PTPRT: variants seen among roughly 807,000 people sequenced by gnomAD.
PTPRT encodes the protein receptor-type tyrosine-protein phosphatase T.
PTPRT carries 56 observed loss-of-function variants against 176.8 expected under a neutral mutation model. The ratio of observed to expected loss-of-function variants is 0.32; its 90% CI spans 0.26 to 0.40. The LOEUF (loss-of-function observed/expected upper bound fraction) is 0.40, where lower values mean the gene tolerates loss of function less well. Ranked by LOEUF, PTPRT falls within the 10% of genes least tolerant of loss-of-function variation. PTPRT has a pLI of 1.00. For missense variants in PTPRT, 1,540 were observed against 1,908.2 expected (o/e 0.81, Z 3.60); for synonymous variants, 783 against 739.0 (o/e 1.06, Z -0.96).
chr20:42,608,227 G>A (rs929117904), intron 7 of PTPRT, among the ~76,000 whole-genome samples: 1 of 152,076 alleles, frequency 6.6e-6, no homozygotes, highest in Non-Finnish European at 1.5e-5. Flanking sequence ...ATGCATCATG[G>A]GCAGCCACAG....
chr20:42,530,041 A>G (rs1283575038), intron 7 of PTPRT, among the ~76,000 whole-genome samples: 1 of 152,126 alleles, frequency 6.6e-6, no homozygotes, highest in East Asian at 1.9e-4. Context: ...GCTTTTTGTT[A>G]CATTGGGTTG....
At chr20:42,252,899 G>A (rs557337012) in intron 13 of PTPRT, among the ~76,000 whole-genome samples, 1 of 152,304 alleles carries the variant, frequency 6.6e-6, no homozygotes, top group Non-Finnish European at 1.5e-5. Flanking sequence ...AAAAATCCAT[G>A]CTTGGTTGGT....
At chr20:42,956,406 T>C (rs1457391982) in intron 1 of PTPRT, among the ~76,000 whole-genome samples, 13 of 151,946 alleles carry the variant, frequency 8.6e-5, no homozygotes, top group Non-Finnish European at 2.9e-5. Flanking sequence ...TAACTCTCTC[T>C]CTTGCTCCTA....
intron 7 of PTPRT, among the ~76,000 whole-genome samples, chr20:42,662,632 A>T (rs2075243640): frequency 6.6e-6 from 1 of 152,192 alleles, no homozygotes; most frequent in Non-Finnish European, 1.5e-5. Context: ...TGATTCACAG[A>T]GGTCAAGCAA....
chr20:42,850,189 GT>G (rs895996935), intron 2 of PTPRT, among the ~76,000 whole-genome samples: 2 of 152,124 alleles, frequency 1.3e-5, no homozygotes, highest in African/African-American at 4.8e-5. Context: ...TGTTCACCGG[GT>G]TGAATTTGAA....
chr20:42,755,097 C>A (rs932846959), intron 6 of PTPRT, among the ~76,000 whole-genome samples: 2 of 152,114 alleles, frequency 1.3e-5, no homozygotes, highest in Non-Finnish European at 2.9e-5. Flanking sequence ...GGAACTGTGA[C>A]CACCAGGAAG....
chr20:42,545,940 A>G (rs1034105100), intron 7 of PTPRT, among the ~76,000 whole-genome samples: 1 of 152,198 alleles, frequency 6.6e-6, no homozygotes, highest in African/African-American at 2.4e-5. Context: ...ATTTATATGT[A>G]TATGTGTTTT....
chr20:42,724,171 C>T (rs2146241738), intron 6 of PTPRT, among the ~76,000 whole-genome samples: 1 of 152,332 alleles, frequency 6.6e-6, no homozygotes, highest in Non-Finnish European at 1.5e-5. Flanking sequence ...TCAGAAAGCT[C>T]ACTTTTTAAT....
intron 8 of PTPRT, among the ~76,000 whole-genome samples, chr20:42,462,598 T>A (rs1292456421): frequency 1.3e-5 from 2 of 152,016 alleles, no homozygotes; most frequent in African/African-American, 2.4e-5. Context: ...CTAGAGGGAA[T>A]AAATTGAAAA....
chr20:42,388,872 A>C (rs1204659335), intron 9 of PTPRT, among the ~76,000 whole-genome samples: 1 of 152,194 alleles, frequency 6.6e-6, no homozygotes, highest in Admixed American at 6.5e-5. Context: ...CTTGGAACCA[A>C]CCCAAATGTC....
At chr20:43,003,121 T>C (rs1984669686) in intron 1 of PTPRT, among the ~76,000 whole-genome samples, 1 of 152,130 alleles carries the variant, frequency 6.6e-6, no homozygotes, top group African/African-American at 2.4e-5. Context: ...ATAATATATA[T>C]ATCTTTCAAA....
chr20:43,116,192 G>A (rs931865661), intron 1 of PTPRT, among the ~76,000 whole-genome samples: 4 of 152,158 alleles, frequency 2.6e-5, no homozygotes, highest in Admixed American at 6.5e-5. Context: ...ATCAAAGCAC[G>A]TCAAACACAG....
chr20:42,969,322 A>C lies in PTPRT; in HGVS notation c.89-83390T>G, dbSNP rs547199527. The C allele has an allele frequency of 2.0e-5, 3 of 152,278 alleles. No individual in the cohort carries two copies. The South Asian group carries it at 6.2e-4, about 32-fold the overall frequency. 9.4% of individuals were successfully genotyped at this position (152,278 alleles called of 1,614,324 possible). A position where few individuals can be genotyped will look rare whatever the true frequency, so the allele number is the denominator to read the frequency against. ...TGAAAATGCTGGTGCAAGTCAGAAG[A>C]GGGGGACCTGGGTTCTAAGAGCAGC... On this transcript the variant is annotated intron_variant, in intron 1 of 30. Coordinates refer to ENST00000373187, the MANE Select transcript of PTPRT (RefSeq NM_007050.6).
At chr20:42,034,557 T>C in the PTPRT span, among the ~76,000 whole-genome samples, 2 of 152,164 alleles carry the variant, frequency 1.3e-5, no homozygotes, top group African/African-American at 4.8e-5. Context: ...TGGACCTCAC[T>C]GTTACAAGGA....
chr20:42,969,426 A>G (rs1249192786), intron 1 of PTPRT: 1 of 152,228 alleles, frequency 6.6e-6, no homozygotes, highest in Non-Finnish European at 1.5e-5. Context: ...AGCCAGTACC[A>G]CCGGTCTCTC....
intron 27 of PTPRT, among the ~76,000 whole-genome samples, chr20:42,089,430 A>G (rs1984375185): frequency 6.6e-6 from 1 of 152,182 alleles, no homozygotes; most frequent in Non-Finnish European, 1.5e-5. Context: ...GTATCAGGGA[A>G]GTCCTATTAT....
chr20:42,105,720 G>A (rs1986375602), intron 24 of PTPRT, among the ~76,000 whole-genome samples: 1 of 152,242 alleles, frequency 6.6e-6, no homozygotes, highest in Non-Finnish European at 1.5e-5. Context: ...CTTGGCTTTA[G>A]TGCTAGAAGC....
chr20:42,670,443 T>G (rs2075393184), intron 7 of PTPRT, among the ~76,000 whole-genome samples: 1 of 152,208 alleles, frequency 6.6e-6, no homozygotes, highest in Admixed American at 6.5e-5. Context: ...TCCTTTTCAT[T>G]CAATTCTAAT....
At chr20:42,255,554 C>T (rs1161304408) in intron 13 of PTPRT, among the ~76,000 whole-genome samples, 3 of 152,190 alleles carry the variant, frequency 2.0e-5, no homozygotes, top group Admixed American at 6.5e-5. Flanking sequence ...GAGTGATTCA[C>T]TTAACTTTCC....
Sources: gnomAD v4.1 joint callset for allele counts (sites outside exome capture counted in the v4.1 genomes callset) on GRCh38, gnomAD v4.1.1 for gene constraint, MANE v1.5 for transcripts, NCBI Gene and HGNC (gene_info 2026-07-23, HGNC 2026-07-21) for gene names.